The following KIF6 variants were observed in gnomAD, a reference collection of about 807,000 sequenced individuals.
The protein encoded by KIF6 is kinesin family member 6.
In KIF6, 106 loss-of-function variants were observed where a neutral mutation model predicts 112.7. The ratio of observed to expected loss-of-function variants is 0.94; its 90% confidence interval spans 0.80 to 1.11. KIF6 has a LOEUF of 1.11. KIF6 is among the 50% of genes least tolerant of loss of function. The probability of loss-of-function intolerance (pLI) is 0.00; values close to 1 mark genes in which losing one functional copy is unlikely to be tolerated. For synonymous variants in KIF6, 339 were observed against 339.9 expected, an observed-to-expected ratio of 1.00 and a Z score of 0.03; for missense variants, 929 against 964.0, an observed-to-expected ratio of 0.96 and a Z score of 0.48.
At chr6:39,476,053 G>T (rs1774409311) in intron 13 of KIF6, among the ~76,000 whole-genome samples, 1 of 151,864 alleles carries the variant, frequency 6.6e-6, no homozygotes, top group African/African-American at 2.4e-5. Flanking sequence ...TGTGGTGGGG[G>T]TGGGGAAGGA....
intron 10 of KIF6, among the ~76,000 whole-genome samples, chr6:39,565,810 T>C (rs925369663): frequency 6.6e-6 from 1 of 152,220 alleles, no homozygotes; most frequent in Non-Finnish European, 1.5e-5. Context: ...GTTATACAGA[T>C]GTTGAAATGC....
At chr6:39,722,894 AT>A (rs1403056807) in intron 1 of KIF6, among the ~76,000 whole-genome samples, 1 of 152,224 alleles carries the variant, frequency 6.6e-6, no homozygotes, top group Non-Finnish European at 1.5e-5. Context: ...CACCAAAGAC[AT>A]ACAAAATGAG....
At chr6:39,567,376 T>G (rs965370566) in intron 10 of KIF6, among the ~76,000 whole-genome samples, 17 of 152,224 alleles carry the variant, frequency 1.1e-4, no homozygotes, top group African/African-American at 3.9e-4. Flanking sequence ...ATGACCATCT[T>G]AAGATAGCTA....
chr6:39,621,234 T>TACAC lies in KIF6; in HGVS notation c.510-7920_510-7917dup, dbSNP rs1477311569. 9.3e-3 allele frequency among the ~76,000 whole-genome samples: 656 copies of TACAC among 70,412 alleles called. 4 individuals are homozygous for TACAC. The highest frequency in any genetic ancestry group is 0.035 in the African/African-American group (545 of 15,744). 46.2% of individuals were successfully genotyped at this position (70,412 alleles called of 152,430 possible). A position where few individuals can be genotyped will look rare whatever the true frequency, so the allele number is the denominator to read the frequency against. ...ACACACACACACACACACACACACG[T>TACAC]ACACATATATCTTTAACTGTATCAA... On this transcript the variant is annotated intron_variant, in intron 5 of 22. Coordinates refer to ENST00000287152, the MANE Select transcript of KIF6 (RefSeq NM_145027.6).
At chr6:39,351,069 C>A (rs534449716) in intron 19 of KIF6, among the ~76,000 whole-genome samples, 2 of 151,910 alleles carry the variant, frequency 1.3e-5, no homozygotes, top group Non-Finnish European at 1.5e-5. Flanking sequence ...CAGCAGTCAC[C>A]GAAGGGGCTT....
At chr6:39,432,595 G>A (rs1167894559) in intron 13 of KIF6, among the ~76,000 whole-genome samples, 2 of 152,142 alleles carry the variant, frequency 1.3e-5, no homozygotes, top group Non-Finnish European at 2.9e-5. Flanking sequence ...AAATGGGCAC[G>A]ACTCAGCTTT....
intron 13 of KIF6, among the ~76,000 whole-genome samples, chr6:39,523,054 A>C (rs1323530375): frequency 6.6e-6 from 1 of 152,176 alleles, no homozygotes; most frequent in African/African-American, 2.4e-5. Context: ...GCTCATTCTT[A>C]ACATATGCAT....
chr6:39,483,708 C>T (rs1408323290), intron 13 of KIF6, among the ~76,000 whole-genome samples: 1 of 152,116 alleles, frequency 6.6e-6, no homozygotes, highest in Non-Finnish European at 1.5e-5. Flanking sequence ...ATCCGAGATT[C>T]AAAGGAGAAC....
At chr6:39,493,174 A>G (rs1355059356) in intron 13 of KIF6, among the ~76,000 whole-genome samples, 2 of 152,198 alleles carry the variant, frequency 1.3e-5, no homozygotes, top group African/African-American at 4.8e-5. Context: ...AACACTGTCA[A>G]TCCTGAATGA....
chr6:39,469,505 G>C (rs1184222938), intron 13 of KIF6, among the ~76,000 whole-genome samples: 2 of 151,870 alleles, frequency 1.3e-5, no homozygotes, highest in Non-Finnish European at 2.9e-5. Context: ...AGCTAAACAG[G>C]CTATGTTATT....
chr6:39,506,753 C>T (rs1440588718), intron 13 of KIF6, among the ~76,000 whole-genome samples: 1 of 152,084 alleles, frequency 6.6e-6, no homozygotes, highest in African/African-American at 2.4e-5. Context: ...GCTTCTGGAT[C>T]ACTTCAGGAT....
intron 15 of KIF6, among the ~76,000 whole-genome samples, chr6:39,419,434 G>T (rs4714250): frequency 0.099 from 14,989 of 151,824 alleles, 965 homozygotes; most frequent in East Asian, 0.22. Context: ...CTTTGCAGGG[G>T]TACTCACCTA....
intron 3 of KIF6, among the ~76,000 whole-genome samples, chr6:39,680,828 T>C (rs1466682080): frequency 2.0e-5 from 3 of 152,190 alleles, no homozygotes; most frequent in Non-Finnish European, 4.4e-5. Context: ...AAACCCTTTT[T>C]GTCCCATTTT....
At chr6:39,537,420 C>T (rs898176868) in intron 13 of KIF6, among the ~76,000 whole-genome samples, 2 of 151,870 alleles carry the variant, frequency 1.3e-5, no homozygotes, top group Non-Finnish European at 2.9e-5. Context: ...TATACACCAA[C>T]AACAGACAAA....
At chr6:39,557,781 C>T (rs924177130) in intron 10 of KIF6, among the ~76,000 whole-genome samples, 10 of 151,542 alleles carry the variant, frequency 6.6e-5, no homozygotes, top group East Asian at 3.9e-4. Flanking sequence ...TATAGAAAGA[C>T]GTCACAATTA....
intron 13 of KIF6, among the ~76,000 whole-genome samples, chr6:39,437,279 G>C (rs924251893): frequency 3.3e-5 from 5 of 152,044 alleles, no homozygotes; most frequent in African/African-American, 4.8e-5. Flanking sequence ...GAAGTCTTTA[G>C]GATTTTCTAG....
intron 15 of KIF6, among the ~76,000 whole-genome samples, chr6:39,395,399 C>A (rs1768187455): frequency 6.6e-6 from 1 of 152,212 alleles, no homozygotes; most frequent in Non-Finnish European, 1.5e-5. Flanking sequence ...CAGCAACCAG[C>A]ATGAATTATT....
intron 10 of KIF6, 122 bp from the exon 11 acceptor site, chr6:39,545,810 C>A: frequency 1.7e-6 from 1 of 572,958 alleles, no homozygotes; most frequent in Non-Finnish European, 3.1e-6. Context: ...TACAGAAGTA[C>A]AGATTTGAGT....
At chr6:39,501,038 G>A (rs962627058) in intron 13 of KIF6, among the ~76,000 whole-genome samples, 4 of 152,154 alleles carry the variant, frequency 2.6e-5, no homozygotes, top group Non-Finnish European at 5.9e-5. Flanking sequence ...GAAATATCTA[G>A]GTTGTTGCAT....
Sources: allele counts gnomAD v4.1 joint callset (sites outside exome capture counted in the v4.1 genomes callset), GRCh38; gene constraint gnomAD v4.1.1; transcripts MANE v1.5; gene names NCBI Gene and HGNC (gene_info 2026-07-23, HGNC 2026-07-21).